ABCB5: variants seen among roughly 807,000 people sequenced by gnomAD.
The protein encoded by ABCB5 is ATP-binding cassette sub-family B member 5.
In ABCB5, 155 loss-of-function variants were observed where a neutral mutation model predicts 144.2. That is an observed-to-expected ratio of 1.08 (90% CI 0.94 to 1.23). The LOEUF is 1.23. ABCB5 is among the 50% of genes most tolerant of loss of function. The probability of loss-of-function intolerance (pLI) is 0.00; values close to 1 mark genes in which losing one functional copy is unlikely to be tolerated. For synonymous variants in ABCB5, 610 were observed against 528.6 expected, an observed-to-expected ratio of 1.15 and a Z score of -2.11; for missense variants, 1,830 against 1,520.8, an observed-to-expected ratio of 1.20 and a Z score of -3.38.
intron 11 of ABCB5, 51 bp from the exon 12 acceptor site, chr7:20,649,971 C>T: frequency 3.2e-6 from 5 of 1,543,666 alleles, no homozygotes; most frequent in South Asian, 2.4e-5. Context: ...AAAATGTGTC[C>T]ATCATCTTCT....
chr7:20,705,312 G>T (rs1786785362), intron 20 of ABCB5, among the ~76,000 whole-genome samples: 1 of 152,120 alleles, frequency 6.6e-6, no homozygotes, highest in Admixed American at 6.5e-5. Context: ...GCATAACCAA[G>T]ATATTTGTAT....
At chr7:20,703,045 TG>T (rs1786689054) in intron 19 of ABCB5, among the ~76,000 whole-genome samples, 1 of 152,116 alleles carries the variant, frequency 6.6e-6, no homozygotes, top group Non-Finnish European at 1.5e-5. Flanking sequence ...CATCAGATAA[TG>T]ACTAAGATTA....
chr7:20,663,991 C>T (rs1345595267), intron 14 of ABCB5, among the ~76,000 whole-genome samples: 1 of 151,134 alleles, frequency 6.6e-6, no homozygotes, highest in Non-Finnish European at 1.5e-5. Flanking sequence ...GCTGGGTTTA[C>T]AGGCATGAGC....
chr7:20,710,655 A>C (rs1786998770), intron 20 of ABCB5, among the ~76,000 whole-genome samples: 1 of 149,902 alleles, frequency 6.7e-6, no homozygotes, highest in Non-Finnish European at 1.5e-5. Context: ...AATCCATGTG[A>C]ACTATGCCCT....
chr7:20,718,064 G>A (rs1024807294), intron 20 of ABCB5, among the ~76,000 whole-genome samples: 1 of 147,270 alleles, frequency 6.8e-6, no homozygotes, highest in Non-Finnish European at 1.5e-5. Flanking sequence ...ACCACGCCTG[G>A]CTAATTTTTT....
At chr7:20,627,149 C>T (rs552984141) in intron 3 of ABCB5, among the ~76,000 whole-genome samples, 1 of 152,250 alleles carries the variant, frequency 6.6e-6, no homozygotes, top group Non-Finnish European at 1.5e-5. Flanking sequence ...TGTTCCCAGA[C>T]ATGGTCTTCA....
rs757909451 is a variant in ABCB5 at position 20,626,624 on chromosome 7, A to G, written c.108+13A>G. Reference sequence around the variant, plus strand: ...ATCTATTGAGATAGTAAGTGAAATCAGTTAGAAAGTACATGCATTAGAAGA... The same window carrying G: ...ATCTATTGAGATAGTAAGTGAAATCGGTTAGAAAGTACATGCATTAGAAGA... On this transcript the variant is annotated intron_variant, in intron 3 of 27. Transcript: ENST00000404938. 2 of 1,596,122 alleles carry G rather than the reference A, an allele frequency of 1.3e-6. No homozygotes were observed. Among genetic ancestry groups the G allele is most frequent in the Non-Finnish European group, 1.7e-6 (2 of 1,170,952 alleles).
rs750212256 is a variant in ABCB5 at position 20,651,472 on chromosome 7, A to G, written c.1385A>G (p.Asp462Gly). Residue 462 changes from aspartate (D) to glycine (G), a missense_variant, in exon 13 of 28, where the codon GAC becomes GGC. Coordinates refer to ENST00000404938, the MANE Select transcript of ABCB5 (RefSeq NM_001163941.2). Reference protein sequence around the residue: ...IRALNVRHYRDHIGVVSQEPV... With the variant: ...IRALNVRHYRGHIGVVSQEPV... The stretch of plus-strand genomic sequence containing the variant: ...GCTTTAAATGTGCGGCATTATCGAG[A>G]CCATATTGGAGTGGTTAGTCAAGAG... 2 of 1,614,100 alleles carry G rather than the reference A, an allele frequency of 1.2e-6. No individual in the cohort carries two copies. The highest frequency in any genetic ancestry group is 2.2e-5 in the South Asian group (2 of 91,076).
intron 15 of ABCB5, among the ~76,000 whole-genome samples, chr7:20,682,332 G>A (rs1272543655): frequency 6.6e-6 from 1 of 152,130 alleles, no homozygotes; most frequent in African/African-American, 2.4e-5. Context: ...GAGGCAAATT[G>A]CAAAATTGTG....
intron 23 of ABCB5, among the ~76,000 whole-genome samples, chr7:20,733,962 T>TCAGAATACAGA (rs1782305513): frequency 6.6e-6 from 1 of 152,100 alleles, no homozygotes; most frequent in Admixed American, 6.6e-5. Context: ...TTTCATCCAG[T>TCAGAATACAGA]CAGAATACAG....
intron 23 of ABCB5, among the ~76,000 whole-genome samples, chr7:20,732,505 C>T (rs1782255225): frequency 6.6e-6 from 1 of 152,084 alleles, no homozygotes; most frequent in African/African-American, 2.4e-5. Context: ...ATAACAGACA[C>T]ACAATAAATA....
In ABCB5 at chr7:20,646,029, T is replaced by C. The variant is rs928058376; in HGVS notation, c.872T>C (p.Leu291Pro). 19 of 1,613,782 alleles carry C rather than the reference T, an allele frequency of 1.2e-5. No individual in the cohort carries two copies. Among genetic ancestry groups the C allele is most frequent in the Non-Finnish European group, 1.4e-5 (16 of 1,179,824 alleles). The change falls in exon 9 of 28, where the codon CTT becomes CCT. Residue 291 changes from leucine to proline, a missense_variant. Physicochemically the swap from Leu to Pro is moderately conservative, Grantham distance 98 (BLOSUM62 -3). Coordinates refer to ENST00000404938, the MANE Select transcript of ABCB5 (RefSeq NM_001163941.2). ...AGGACTATAGCTTCAAAAGTGTCTC[T>C]TGGTGCTGTGTACTTCTTTATGAAT... ...IKRTIASKVS[L>P]GAVYFFMNGT...
intron 20 of ABCB5, among the ~76,000 whole-genome samples, chr7:20,711,845 T>TTTCTTTCC (rs1491581715): frequency 9.8e-5 from 1 of 10,234 alleles, no homozygotes; most frequent in African/African-American, 5.9e-4. Flanking sequence ...TCTTTCTTTC[T>TTTCTTTCC]TTTCTTTCTT....
At chr7:20,666,153 A>G (rs1312822727) in intron 14 of ABCB5, among the ~76,000 whole-genome samples, 4 of 149,292 alleles carry the variant, frequency 2.7e-5, no homozygotes. Flanking sequence ...CTGGGCAACA[A>G]GAGTGAAACT....
At chr7:20,726,358 C>CTTTTTTTTTTTTTTTT (rs1172285058) in intron 21 of ABCB5, among the ~76,000 whole-genome samples, 5 of 78,420 alleles carry the variant, frequency 6.4e-5, no homozygotes, top group Non-Finnish European at 1.1e-4. Context: ...TCTCTGCTAT[C>CTTTTTTTTTTTTTTTT]TTTTTTTTTT....
intron 23 of ABCB5, among the ~76,000 whole-genome samples, chr7:20,731,628 A>G (rs1044000763): frequency 2.6e-5 from 4 of 152,148 alleles, no homozygotes; most frequent in African/African-American, 9.7e-5. Flanking sequence ...TAATATCTCA[A>G]TGTGTTCAAA....
chr7:20,694,173 A>G (rs1029257674), intron 16 of ABCB5, among the ~76,000 whole-genome samples: 7 of 151,908 alleles, frequency 4.6e-5, no homozygotes, highest in Non-Finnish European at 7.4e-5. Context: ...AGATTACAAA[A>G]AAAATAAAAT....
intron 13 of ABCB5, among the ~76,000 whole-genome samples, chr7:20,653,426 C>T (rs1784668853): frequency 6.6e-6 from 1 of 152,158 alleles, no homozygotes; most frequent in Admixed American, 6.5e-5. Context: ...AAATGTATAA[C>T]ATTACTTCCC....
chr7:20,648,921 C>G (rs998238491), intron 11 of ABCB5, among the ~76,000 whole-genome samples: 1 of 152,142 alleles, frequency 6.6e-6, no homozygotes. Context: ...CACCATTTTT[C>G]TTAACTGTAC....
Sources: gnomAD v4.1 joint callset for allele counts (sites outside exome capture counted in the v4.1 genomes callset) on GRCh38, gnomAD v4.1.1 for gene constraint, MANE v1.5 for transcripts, NCBI Gene and HGNC (gene_info 2026-07-23, HGNC 2026-07-21) for gene names.